Variants in CCDC171 observed in about 807,000 individuals in gnomAD.
CCDC171 encodes the protein coiled-coil domain containing 171.
In CCDC171, 177 loss-of-function variants were observed where a neutral mutation model predicts 168.2. The observed-to-expected ratio is 1.05, with a 90% CI of 0.93 to 1.19. The LOEUF is 1.19. CCDC171 is among the 50% of genes most tolerant of loss of function. The pLI is 0.00. For synonymous variants in CCDC171, 687 were observed against 540.8 expected (o/e 1.27, Z -3.75); for missense variants, 1,991 against 1,539.0 (o/e 1.29, Z -4.91).
chr9:16,020,256 C>A (rs764440136), intron 3 of CCDC171, among the ~76,000 whole-genome samples: 5 of 152,110 alleles, frequency 3.3e-5, no homozygotes, highest in Non-Finnish European at 7.3e-5. Context: ...ATGTATGCAA[C>A]ACTAACGAAT....
At chr9:15,943,803 A>G (rs1827985087) in intron 25 of CCDC171, among the ~76,000 whole-genome samples, 1 of 152,056 alleles carries the variant, frequency 6.6e-6, no homozygotes, top group Non-Finnish European at 1.5e-5. Flanking sequence ...ACTTATAATC[A>G]GTTGGTGAGT....
At chr9:15,878,072 A>G (rs1818096194) in intron 24 of CCDC171, among the ~76,000 whole-genome samples, 1 of 152,214 alleles carries the variant, frequency 6.6e-6, no homozygotes, top group Non-Finnish European at 1.5e-5. Context: ...AGGAACCAGC[A>G]AAGATTTCAT....
Position 15,935,563 on chromosome 9 carries a change from T to C in CCDC171, c.3753+15141T>C, listed in dbSNP as rs574129166. Among the ~76,000 whole-genome samples, 25 of 152,180 alleles carry C rather than the reference T, an allele frequency of 1.6e-4. No homozygotes were observed. In the South Asian group the frequency reaches 3.1e-3, roughly 19 times the overall value. On this transcript the variant is annotated intron_variant, in intron 25 of 25. Coordinates refer to ENST00000380701, the MANE Select transcript of CCDC171 (RefSeq NM_173550.4). ...TCTAAATTTATAATAAAATTATATG[T>C]TGAATTTGGTTATATTAGCATATAA...
chr9:16,038,385 A>G (rs1028412789), upstream of CCDC171, among the ~76,000 whole-genome samples: 2 of 152,194 alleles, frequency 1.3e-5, no homozygotes, highest in South Asian at 4.1e-4. Flanking sequence ...TTAAGGGTAT[A>G]AAAGTGAAAA....
chr9:15,957,962 G>A (rs897020899), intron 25 of CCDC171, among the ~76,000 whole-genome samples: 11 of 152,096 alleles, frequency 7.2e-5, no homozygotes, highest in South Asian at 2.1e-4. Flanking sequence ...GAGACACTTC[G>A]AAAGGAGGAA....
In CCDC171 at chr9:15,724,947, C is replaced by T. The variant is rs371886499; in HGVS notation, c.1663C>T (p.Leu555Phe). 102 of 1,613,776 alleles carry T rather than the reference C, an allele frequency of 6.3e-5. No homozygotes were observed. The highest frequency in any genetic ancestry group is 8.1e-5 in the Non-Finnish European group (96 of 1,179,860). ...AAQSESELQK[L>F]SQAFHKDAEE... ...CCAGTCTGAAAGTGAACTGCAGAAG[C>T]TTTCCCAGGCTTTCCATAAGGATGC... The change falls in exon 14 of 26, where the codon CTT (leucine) becomes TTT (phenylalanine). Residue 555 changes from leucine to phenylalanine, a missense_variant. Coordinates refer to ENST00000380701, the MANE Select transcript of CCDC171 (RefSeq NM_173550.4).
At chr9:15,915,898 A>T (rs965147985) in intron 24 of CCDC171, among the ~76,000 whole-genome samples, 2 of 152,058 alleles carry the variant, frequency 1.3e-5, no homozygotes, top group African/African-American at 4.8e-5. Context: ...AATTCTGTTT[A>T]TGTGATATAT....
At chr9:15,780,528 T>C (rs566969141) in intron 20 of CCDC171, among the ~76,000 whole-genome samples, 1 of 151,900 alleles carries the variant, frequency 6.6e-6, no homozygotes, top group African/African-American at 2.4e-5. Context: ...AAAAAAAAAA[T>C]TATATTTATT....
At chr9:16,035,034 G>C (rs1227017989) in intron 6 of CCDC171, among the ~76,000 whole-genome samples, 1 of 152,132 alleles carries the variant, frequency 6.6e-6, no homozygotes, top group African/African-American at 2.4e-5. Flanking sequence ...GACCTTTGAC[G>C]TCTCCGTTAG....
At chr9:15,898,586 A>C (rs547741910) in intron 24 of CCDC171, among the ~76,000 whole-genome samples, 1 of 152,276 alleles carries the variant, frequency 6.6e-6, no homozygotes, top group Admixed American at 6.5e-5. Flanking sequence ...ACAAAATTTT[A>C]ATGTTTTATT....
At chr9:15,599,668 T>A (rs2042674318) in intron 6 of CCDC171, among the ~76,000 whole-genome samples, 1 of 152,160 alleles carries the variant, frequency 6.6e-6, no homozygotes, top group Non-Finnish European at 1.5e-5. Context: ...TGGCATTTTC[T>A]GTATTTCTTG....
chr9:15,628,649 C>G (rs938412207), intron 7 of CCDC171, among the ~76,000 whole-genome samples: 1 of 152,208 alleles, frequency 6.6e-6, no homozygotes, highest in African/African-American at 2.4e-5. Flanking sequence ...ACTTAAATGT[C>G]CCTGTCTGAC....
intron 6 of CCDC171, among the ~76,000 whole-genome samples, chr9:15,620,741 A>G (rs1377850013): frequency 2.6e-5 from 4 of 152,226 alleles, no homozygotes; most frequent in Non-Finnish European, 5.9e-5. Flanking sequence ...ATTGCATGCT[A>G]CAGAGAAACC....
At chr9:15,894,862 T>A (rs969821200) in intron 24 of CCDC171, among the ~76,000 whole-genome samples, 10 of 152,156 alleles carry the variant, frequency 6.6e-5, no homozygotes, top group African/African-American at 2.4e-4. Flanking sequence ...TTGGCTGTTA[T>A]CTATTTGTCA....
chr9:15,971,651 G>A lies in CCDC171; in HGVS notation c.3796G>A (p.Ala1266Thr). 1 of 1,613,650 alleles carries A rather than the reference G, an allele frequency of 6.2e-7. No individual in the cohort carries two copies. Among genetic ancestry groups the A allele is most frequent in the African/African-American group, 1.3e-5 (1 of 74,956 alleles). The change falls in exon 26 of 26, where the codon GCT becomes ACT. Residue 1266 changes from alanine to threonine, a missense_variant. Coordinates refer to ENST00000380701, the MANE Select transcript of CCDC171 (RefSeq NM_173550.4). ...DHSNLSIPSR[A>T]PLPADTTGIG... ...TTCAAATCTCTCCATTCCTTCAAGA[G>A]CTCCTCTTCCTGCTGACACAACTGG...
intron 6 of CCDC171, among the ~76,000 whole-genome samples, chr9:16,024,400 C>T (rs1833235187): frequency 6.6e-6 from 1 of 152,174 alleles, no homozygotes; most frequent in South Asian, 2.1e-4. Context: ...AGCCAACTCC[C>T]AACATCTCCT....
At chr9:15,711,145 G>T (rs7036285) in intron 11 of CCDC171, among the ~76,000 whole-genome samples, 1 of 151,826 alleles carries the variant, frequency 6.6e-6, no homozygotes, top group African/African-American at 2.4e-5. Flanking sequence ...TATTACTATC[G>T]TGACTAAGGA....
At chr9:15,633,167 C>G (rs554202015) in intron 7 of CCDC171, among the ~76,000 whole-genome samples, 12 of 152,240 alleles carry the variant, frequency 7.9e-5, no homozygotes, top group African/African-American at 2.6e-4. Flanking sequence ...CCAAAATTGA[C>G]AAATGGGATC....
intron 11 of CCDC171, among the ~76,000 whole-genome samples, chr9:15,698,071 A>C (rs77908747): frequency 0.45 from 68,741 of 151,756 alleles, 15,885 homozygotes; most frequent in Non-Finnish European, 0.51. Flanking sequence ...GTAGAGTTCA[A>C]TACTGTGCTA....
Sources: gnomAD v4.1 joint callset for allele counts (sites outside exome capture counted in the v4.1 genomes callset) on GRCh38, gnomAD v4.1.1 for gene constraint, MANE v1.5 for transcripts, NCBI Gene and HGNC (gene_info 2026-07-23, HGNC 2026-07-21) for gene names.